STEAP2: variants seen among roughly 807,000 people sequenced by gnomAD.
The protein encoded by STEAP2 is metalloreductase STEAP2.
In STEAP2, 30 loss-of-function variants were observed where a neutral mutation model predicts 46.4. That is an observed-to-expected ratio of 0.65 (90% CI 0.48 to 0.88). STEAP2 has a LOEUF of 0.88. Ranked by LOEUF, STEAP2 falls within the 40% of genes least tolerant of loss-of-function variation. The probability of loss-of-function intolerance (pLI) is 0.00; values close to 1 mark genes in which losing one functional copy is unlikely to be tolerated. For missense variants in STEAP2, 513 were observed against 579.3 expected (o/e 0.89, Z 1.18); for synonymous variants, 180 against 200.5 (o/e 0.90, Z 0.86).
chr7:90,219,161 A>T (rs1795149840), intron 2 of STEAP2, among the ~76,000 whole-genome samples: 1 of 152,254 alleles, frequency 6.6e-6, no homozygotes, highest in African/African-American at 2.4e-5. Flanking sequence ...GAATTTATTT[A>T]TCAGATCTAA....
At chr7:90,240,498 T>A (rs1796048621), downstream of STEAP2, among the ~76,000 whole-genome samples, 1 of 152,084 alleles carries the variant, frequency 6.6e-6, no homozygotes, top group Non-Finnish European at 1.5e-5. This position sits in a 1 kb window ranked among gnomAD's most constrained non-coding sequence, Gnocchi z 4.1. Flanking sequence ...TCATATATAG[T>A]CTCAAATACT....
At chr7:90,225,644 C>T in intron 3 of STEAP2, 70 bp downstream of exon 3, 1 of 1,437,864 alleles carries the variant, frequency 7.0e-7, no homozygotes, top group East Asian at 2.3e-5. Flanking sequence ...AAATATCAAA[C>T]ATTTTAATAC....
Position 90,233,545 on chromosome 7 carries a change from T to C in STEAP2, c.*921T>C. ...TATACTGATGTTCTTTGAGGGATTCTGATGTGCTAGGCATGGTTCTAAGTA... is the reference window on the plus strand; with the variant it reads ...TATACTGATGTTCTTTGAGGGATTCCGATGTGCTAGGCATGGTTCTAAGTA... On this transcript the variant is annotated 3_prime_UTR_variant, in exon 6 of 6. Transcript: ENST00000394621. 1.0e-6 allele frequency: 1 copy of C among 983,246 alleles called. No homozygotes were observed. The highest frequency in any genetic ancestry group is 1.2e-6 in the Non-Finnish European group (1 of 827,902). The allele number at this position is 983,246 out of a possible 1,614,324, so 60.9% of individuals were successfully genotyped here. A position where few individuals can be genotyped will look rare whatever the true frequency, so the allele number is the denominator to read the frequency against.
Position 90,236,652 on chromosome 7 carries a change from A to G in STEAP2, c.*4028A>G. 1 of 1,253,868 alleles carries G rather than the reference A, an allele frequency of 8.0e-7. No individual in the cohort carries two copies. Among genetic ancestry groups the G allele is most frequent in the Non-Finnish European group, 1.0e-6 (1 of 999,116 alleles). The allele number at this position is 1,253,868 out of a possible 1,614,324, so 77.7% of individuals were successfully genotyped here. ...GTATGAGAAAATTATACAGTGCTTA[A>G]TTTTCAGAGATTCTTTCCATATGTT... On this transcript the variant is annotated 3_prime_UTR_variant, in exon 6 of 6. Coordinates refer to ENST00000394621, the MANE Select transcript of STEAP2 (RefSeq NM_001244944.2).
At chr7:90,240,886 A>C (rs2116428119), downstream of STEAP2, among the ~76,000 whole-genome samples, 1 of 152,278 alleles carries the variant, frequency 6.6e-6, no homozygotes, top group East Asian at 1.9e-4. The surrounding 1 kb of genome is among the most constrained non-coding windows in gnomAD (Gnocchi z 4.1). Flanking sequence ...TGCTGAAATA[A>C]TTTACTCCTT....
At chr7:90,231,644 C>A (rs1795753487) in intron 5 of STEAP2, among the ~76,000 whole-genome samples, 1 of 151,862 alleles carries the variant, frequency 6.6e-6, no homozygotes, top group African/African-American at 2.4e-5. Flanking sequence ...AAAAATAAGG[C>A]ATATAATCTT....
chr7:90,216,491 A>C lies in STEAP2; in HGVS notation c.-146A>C, dbSNP rs1795021455. The C allele has an allele frequency of 6.6e-6, 1 of 152,216 alleles. No individual in the cohort carries two copies. The highest frequency in any genetic ancestry group is 1.5e-5 in the Non-Finnish European group (1 of 68,042). The allele number at this position is 152,216 out of a possible 1,614,324, so 9.4% of individuals were successfully genotyped here. A position where few individuals can be genotyped will look rare whatever the true frequency, so the allele number is the denominator to read the frequency against. On this transcript the variant is annotated splice_region_variant and 5_prime_UTR_variant, in exon 2 of 6. Coordinates refer to ENST00000394621, the MANE Select transcript of STEAP2 (RefSeq NM_001244944.2). ...TAAGGAATGGCATTGCCTTTCCCAG[A>C]AAGTGAAGAGAGGAAATTGGAAAAT... is the stretch of plus-strand genomic sequence containing the variant.
chr7:90,213,334 A>G (rs1367417792), intron 1 of STEAP2, among the ~76,000 whole-genome samples: 1 of 152,232 alleles, frequency 6.6e-6, no homozygotes, highest in African/African-American at 2.4e-5. Context: ...AAAACAGGAC[A>G]GGTGAAGACA....
At chr7:90,225,714 T>A in intron 3 of STEAP2, 140 bp downstream of exon 3, 1 of 1,000,196 alleles carries the variant, frequency 1.0e-6, no homozygotes, top group Non-Finnish European at 1.4e-6. Context: ...ACCTGAAGAT[T>A]AATGTCCTGA....
chr7:90,230,394 G>A (rs893114505), intron 5 of STEAP2, among the ~76,000 whole-genome samples: 1 of 151,946 alleles, frequency 6.6e-6, no homozygotes, highest in Non-Finnish European at 1.5e-5. Context: ...ATTATTTTAT[G>A]TTTTGAGTCA....
rs936687199 is a variant in STEAP2 at position 90,234,636 on chromosome 7, T to C, written c.*2012T>C. ...CACGATCTCGGCTCACTGCAAGCTC[T>C]GCCTCCCGGGTTCACGCCATTCTCC... is the stretch of plus-strand genomic sequence containing the variant. On this transcript the variant is annotated 3_prime_UTR_variant, in exon 6 of 6. Transcript: ENST00000394621. The C allele has an allele frequency of 1.4e-4, 99 of 722,534 alleles. No individual in the cohort carries two copies. Among genetic ancestry groups the C allele is most frequent in the African/African-American group, 1.1e-3 (57 of 51,214 alleles). The allele number at this position is 722,534 out of a possible 1,614,324, so 44.8% of individuals were successfully genotyped here. A position where few individuals can be genotyped will look rare whatever the true frequency, so the allele number is the denominator to read the frequency against.
rs1162810971 is a variant in STEAP2 at position 90,225,086 on chromosome 7, G to A, written c.4G>A (p.Glu2Lys). MESISMMGSPKS... is the reference protein window; with the variant it reads MKSISMMGSPKS... Reference sequence around the variant, plus strand: ...TGATCTTGGAAGTGTCCGTATCATGGAATCAATCTCTATGATGGGAAGCCC... The same window carrying A: ...TGATCTTGGAAGTGTCCGTATCATGAAATCAATCTCTATGATGGGAAGCCC... Residue 2 changes from glutamate to lysine, a missense_variant, in exon 3 of 6, where the codon GAA becomes AAA. By Grantham distance (56) the Glu-to-Lys change is moderately conservative. Coordinates refer to ENST00000394621, the MANE Select transcript of STEAP2 (RefSeq NM_001244944.2). The A allele has an allele frequency of 4.3e-6, 7 of 1,612,748 alleles. No individual in the cohort carries two copies. Among genetic ancestry groups the A allele is most frequent in the Non-Finnish European group, 5.9e-6 (7 of 1,179,474 alleles).
chr7:90,212,157 G>C (rs1342034833), intron 1 of STEAP2, 112 bp downstream of exon 1: 1 of 152,450 alleles, frequency 6.6e-6, no homozygotes, highest in Non-Finnish European at 1.5e-5. Flanking sequence ...CGCCCTCACC[G>C]GGCGTCCGCC....
Position 90,232,354 on chromosome 7 carries a change from C to T in STEAP2, c.1203C>T (p.Val401=), listed in dbSNP as rs776869856. The T allele has an allele frequency of 2.5e-6, 4 of 1,606,776 alleles. No individual in the cohort carries two copies. Among genetic ancestry groups the T allele is most frequent in the Non-Finnish European group, 3.4e-6 (4 of 1,175,636 alleles). ...GGCCCAAGTCTACACTTGGATATGT[C>T]GCTCTGCTCATAAGTACTTTCCATG... is the stretch of plus-strand genomic sequence containing the variant. The part of the protein sequence containing the change: ...FSFIQSTLGY[V]ALLISTFHVL... Residue 401 remains valine (V), a synonymous_variant, in exon 6 of 6, where the codon GTC becomes GTT. Transcript: ENST00000394621.
Position 90,235,428 on chromosome 7 carries a change from A to G in STEAP2, c.*2804A>G, listed in dbSNP as rs1795928659. ...TTATTTTTCTTAATTGTTATTTTTTATAATCATTATTTTTCTGAACCATTC... is the reference window on the plus strand; with the variant it reads ...TTATTTTTCTTAATTGTTATTTTTTGTAATCATTATTTTTCTGAACCATTC... On this transcript the variant is annotated 3_prime_UTR_variant, in exon 6 of 6. Transcript: ENST00000394621. 1 of 981,928 alleles carries G rather than the reference A, an allele frequency of 1.0e-6. No homozygotes were observed. Among genetic ancestry groups the G allele is most frequent in the Non-Finnish European group, 1.2e-6 (1 of 826,810 alleles). 60.8% of individuals were successfully genotyped at this position (981,928 alleles called of 1,614,324 possible). A position where few individuals can be genotyped will look rare whatever the true frequency, so the allele number is the denominator to read the frequency against.
At chr7:90,226,817 T>C (rs546610865) in intron 3 of STEAP2, among the ~76,000 whole-genome samples, 154 bp from the exon 4 acceptor site, 11 of 152,274 alleles carry the variant, frequency 7.2e-5, no homozygotes, top group African/African-American at 2.6e-4. Context: ...TTTCAAACTA[T>C]TGAAATCTGT....
At chr7:90,217,747 T>G (rs1054112742) in intron 2 of STEAP2, among the ~76,000 whole-genome samples, 1 of 151,122 alleles carries the variant, frequency 6.6e-6, no homozygotes, top group Non-Finnish European at 1.5e-5. Context: ...CGGGTATCTC[T>G]TTGATATACT....
chr7:90,222,493 C>T (rs1437477024), intron 2 of STEAP2, among the ~76,000 whole-genome samples: 1 of 152,166 alleles, frequency 6.6e-6, no homozygotes, highest in Non-Finnish European at 1.5e-5. Context: ...CTAAATAACA[C>T]ATGTCTTAGC....
chr7:90,227,596 T>G, intron 4 of STEAP2, 98 bp downstream of exon 4: 1 of 1,211,600 alleles, frequency 8.3e-7, no homozygotes, highest in South Asian at 2.0e-5. Context: ...TAATGGAAAT[T>G]TGATTTTGGT....
Sources: allele counts gnomAD v4.1 joint callset (sites outside exome capture counted in the v4.1 genomes callset), GRCh38; gene constraint gnomAD v4.1.1; non-coding constraint Gnocchi (gnomAD v3.1); transcripts MANE v1.5; gene names NCBI Gene and HGNC (gene_info 2026-07-23, HGNC 2026-07-21).